CARMIL2: variants seen among roughly 807,000 people sequenced by gnomAD.
CARMIL2 encodes capping protein, Arp2/3 and myosin-I linker protein 2.
CARMIL2 carries 96 observed loss-of-function variants against 173.3 expected under a neutral mutation model. The ratio of observed to expected loss-of-function variants is 0.55; its 90% CI spans 0.47 to 0.66. CARMIL2 has a LOEUF of 0.66. Among genes scored for constraint, CARMIL2 ranks in the 30% least tolerant of loss-of-function variants. CARMIL2 has a pLI of 0.00. For synonymous variants in CARMIL2, 830 were observed against 817.1 expected, an observed-to-expected ratio of 1.02 and a Z score of -0.27; for missense variants, 1,771 against 1,906.7, an observed-to-expected ratio of 0.93 and a Z score of 1.33.
Position 67,648,666 on chromosome 16 carries a change from G to T in CARMIL2, c.1440-19G>T. The T allele has an allele frequency of 6.3e-7, 1 of 1,595,676 alleles. No homozygotes were observed. The highest frequency in any genetic ancestry group is 1.7e-5 in the Admixed American group (1 of 57,648). ...CCCCTGTCCCAGCTCCCGCCACCCC[G>T]TGTAACGTCCTCTCCCAGAGCCCTT... On this transcript the variant is annotated intron_variant, in intron 15 of 37. Transcript: ENST00000334583. The surrounding 1 kb of genome is among the most constrained non-coding windows in gnomAD (Gnocchi z 6.1).
Position 67,651,729 on chromosome 16 carries a change from A to C in CARMIL2, c.2472A>C (p.Pro824=). The change falls in exon 25 of 38, where the codon CCA becomes CCC. Residue 824 remains proline (P), a synonymous_variant. Transcript: ENST00000334583. The surrounding 1 kb of genome is among the most constrained non-coding windows in gnomAD (Gnocchi z 4.2). ...ATLDTARSLC[P]QMLQGSSWRE... The stretch of plus-strand genomic sequence containing the variant: ...TGGACACAGCAAGGAGCCTCTGCCC[A>C]CAGATGCTGCAGGGATCCAGCTGGA... 1.9e-6 allele frequency: 3 copies of C among 1,607,142 alleles called. No homozygotes were observed. Among genetic ancestry groups the C allele is most frequent in the Non-Finnish European group, 2.5e-6 (3 of 1,177,464 alleles).
Position 67,647,833 on chromosome 16 carries a change from G to A in CARMIL2, c.959-13G>A, listed in dbSNP as rs1399108734. 3.1e-6 allele frequency: 5 copies of A among 1,602,250 alleles called. No individual in the cohort carries two copies. Among genetic ancestry groups the A allele is most frequent in the Admixed American group, 1.7e-5 (1 of 59,046 alleles). The stretch of plus-strand genomic sequence containing the variant: ...GTCTGTCCAACTGCTGAGTGACCCC[G>A]ACCCACCACCAGGAATGAGGGCTCT... On this transcript the variant is annotated splice_polypyrimidine_tract_variant and intron_variant, in intron 12 of 37. Coordinates refer to ENST00000334583, the MANE Select transcript of CARMIL2 (RefSeq NM_001013838.3).
chr16:67,651,265 G>C lies in CARMIL2; in HGVS notation c.2263G>C (p.Ala755Pro). ...GCGAGPQGEA[A>P]VRQAEDAIQN... ...TGGGGCTGGGCCCCAGGGTGAAGCC[G>C]CTGTGCGCCAGGCCGAGGATGCCAT... Residue 755 changes from alanine to proline, a missense_variant, in exon 23 of 38, where the codon GCT becomes CCT. By Grantham distance (27) the Ala-to-Pro change is conservative. Transcript: ENST00000334583. The surrounding 1 kb of genome is among the most constrained non-coding windows in gnomAD (Gnocchi z 4.2). 1 of 1,613,532 alleles carries C rather than the reference G, an allele frequency of 6.2e-7. No homozygotes were observed. The highest frequency in any genetic ancestry group is 8.5e-7 in the Non-Finnish European group (1 of 1,179,864).
In CARMIL2 at chr16:67,657,221, CCTTT is replaced by C. The variant is rs1254759731; in HGVS notation, c.4118-15_4118-12del. 13 of 1,612,116 alleles carry C rather than the reference CCTTT, an allele frequency of 8.1e-6. No homozygotes were observed. Among genetic ancestry groups the C allele is most frequent in the African/African-American group, 1.3e-5 (1 of 74,864 alleles). ...CCAAGCCTTAGCAACCCACCCCAAGCCTTTCTGTGTCCCTTAGAACGGCCCCTGA... is the reference window on the plus strand; with the variant it reads ...CCAAGCCTTAGCAACCCACCCCAAGCCTGTGTCCCTTAGAACGGCCCCTGA... On this transcript the variant is annotated splice_polypyrimidine_tract_variant and intron_variant, in intron 36 of 37. Coordinates refer to ENST00000334583, the MANE Select transcript of CARMIL2 (RefSeq NM_001013838.3). This position sits in a 1 kb window ranked among gnomAD's most constrained non-coding sequence, Gnocchi z 4.5.
Position 67,648,201 on chromosome 16 carries a change from T to C in CARMIL2, c.1221T>C (p.Gly407=), listed in dbSNP as rs1597746979. ...ADWRAGRGGL[G]PPAGVANSLP... is the part of the protein sequence containing the mutation. ...GGAGGGCGGGACGGGGAGGGCTCGG[T>C]CCCCCCGCGGGTGTAGCCAACAGCC... Residue 407 remains glycine (G), a synonymous_variant, in exon 14 of 38, where the codon GGT becomes GGC. Transcript: ENST00000334583. This position sits in a 1 kb window ranked among gnomAD's most constrained non-coding sequence, Gnocchi z 6.1. 1 of 1,602,812 alleles carries C rather than the reference T, an allele frequency of 6.2e-7. No individual in the cohort carries two copies. Among genetic ancestry groups the C allele is most frequent in the Non-Finnish European group, 8.5e-7 (1 of 1,175,774 alleles).
chr16:67,648,366 C>A lies in CARMIL2; in HGVS notation c.1335-32C>A. ...GAGGCTGCTGGAAGCCGCCTCCTTG[C>A]GGCCCCAGGCCCACCTTCCCACTTC... On this transcript the variant is annotated intron_variant, in intron 14 of 37. Coordinates refer to ENST00000334583, the MANE Select transcript of CARMIL2 (RefSeq NM_001013838.3). This position sits in a 1 kb window ranked among gnomAD's most constrained non-coding sequence, Gnocchi z 6.1. 1.3e-6 allele frequency: 2 copies of A among 1,540,464 alleles called. No homozygotes were observed. Among genetic ancestry groups the A allele is most frequent in the Non-Finnish European group, 1.7e-6 (2 of 1,150,384 alleles).
chr16:67,654,710 G>A lies in CARMIL2; in HGVS notation c.3582+18G>A, dbSNP rs552249927. ...CCGACAAGGTGAGGCTTGCTGATGG[G>A]GGGTGGTGAAGGCGCTTCTGGGACC... On this transcript the variant is annotated intron_variant, in intron 31 of 37. Coordinates refer to ENST00000334583, the MANE Select transcript of CARMIL2 (RefSeq NM_001013838.3). 81 of 1,601,900 alleles carry A rather than the reference G, an allele frequency of 5.1e-5. 2 individuals carry two copies. In the South Asian group the frequency reaches 8.4e-4, roughly 17 times the overall value.
At position 67,646,911 on chromosome 16, in the gene CARMIL2, C is replaced by A. The variant is rs768187110; in HGVS notation, c.549C>A (p.Thr183=). The A allele has an allele frequency of 8.7e-6, 14 of 1,613,712 alleles. No individual in the cohort carries two copies. Among genetic ancestry groups the A allele is most frequent in the Non-Finnish European group, 1.2e-5 (14 of 1,179,886 alleles). ...FREEIQWDVD[T]IYHRQGCRHF... is the part of the protein sequence containing the mutation. ...TCCTTCTCACCCAGGACGTGGACACCATTTACCATCGCCAGGGCTGCCGCC... is the reference window on the plus strand; with the variant it reads ...TCCTTCTCACCCAGGACGTGGACACAATTTACCATCGCCAGGGCTGCCGCC... Residue 183 remains threonine (T), a synonymous_variant, in exon 8 of 38, where the codon ACC becomes ACA. Coordinates refer to ENST00000334583, the MANE Select transcript of CARMIL2 (RefSeq NM_001013838.3). The surrounding 1 kb of genome is among the most constrained non-coding windows in gnomAD (Gnocchi z 4.6).
Position 67,648,760 on chromosome 16 carries a change from C to T in CARMIL2, c.1509+6C>T. Reference sequence around the variant, plus strand: ...TGGACCTCAGCGCTTGCGAGGTGAGCGCCGGCCCCCAGAAGAGACCACACA... The same window carrying T: ...TGGACCTCAGCGCTTGCGAGGTGAGTGCCGGCCCCCAGAAGAGACCACACA... On this transcript the variant is annotated splice_donor_region_variant and intron_variant, in intron 16 of 37. Transcript: ENST00000334583. The surrounding 1 kb of genome is among the most constrained non-coding windows in gnomAD (Gnocchi z 6.1). 6.3e-7 allele frequency: 1 copy of T among 1,598,146 alleles called. No individual in the cohort carries two copies. Among genetic ancestry groups the T allele is most frequent in the Non-Finnish European group, 8.5e-7 (1 of 1,172,992 alleles).
Position 67,648,761 on chromosome 16 carries a change from G to C in CARMIL2, c.1509+7G>C, listed in dbSNP as rs374108577. ...GGACCTCAGCGCTTGCGAGGTGAGC[G>C]CCGGCCCCCAGAAGAGACCACACAT... On this transcript the variant is annotated splice_region_variant and intron_variant, in intron 16 of 37. Transcript: ENST00000334583. The surrounding 1 kb of genome is among the most constrained non-coding windows in gnomAD (Gnocchi z 6.1). The C allele has an allele frequency of 2.5e-6, 4 of 1,597,870 alleles. No homozygotes were observed. The highest frequency in any genetic ancestry group is 3.4e-6 in the Non-Finnish European group (4 of 1,173,006).
chr16:67,654,787 C>G lies in CARMIL2; in HGVS notation c.3592C>G (p.Leu1198Val), dbSNP rs780275941. ...GCATCTCTGTCCCTAGCGGCGGCCCCTGGAGCGGGGAGAAACAGAACTGGC... is the reference window on the plus strand; with the variant it reads ...GCATCTCTGTCCCTAGCGGCGGCCCGTGGAGCGGGGAGAAACAGAACTGGC... ...LGARPDKRRP[L>V]ERGETELAPS... The change falls in exon 32 of 38, where the codon CTG becomes GTG. Residue 1198 changes from leucine to valine, a missense_variant. By Grantham distance (32) the Leu-to-Val change is conservative. This residue lies in a region of CARMIL2 where 817 missense variants were observed against 903.5 expected (regional missense o/e 0.90). Transcript: ENST00000334583. The G allele has an allele frequency of 5.0e-6, 8 of 1,613,372 alleles. No homozygotes were observed. The highest frequency in any genetic ancestry group is 6.8e-6 in the Non-Finnish European group (8 of 1,179,888).
chr16:67,652,043 C>T lies in CARMIL2; in HGVS notation c.2676+35C>T. 6.2e-7 allele frequency: 1 copy of T among 1,608,364 alleles called. No homozygotes were observed. Among genetic ancestry groups the T allele is most frequent in the Middle Eastern group, 1.7e-4 (1 of 6,054 alleles). ...AGATGTGCACACACTTTCGTGCAAACACACACATGCAGTGACTTGGCCATC... is the reference window on the plus strand; with the variant it reads ...AGATGTGCACACACTTTCGTGCAAATACACACATGCAGTGACTTGGCCATC... On this transcript the variant is annotated intron_variant, in intron 26 of 37. Transcript: ENST00000334583. The surrounding 1 kb of genome is among the most constrained non-coding windows in gnomAD (Gnocchi z 4.7).
chr16:67,647,490 C>T lies in CARMIL2; in HGVS notation c.777-18C>T, dbSNP rs375889123. 256 of 1,587,872 alleles carry T rather than the reference C, an allele frequency of 1.6e-4. No homozygotes were observed. Among genetic ancestry groups the T allele is most frequent in the Middle Eastern group, 8.3e-4 (5 of 6,046 alleles). ...GCAAACCAGGGGCAGAATCTCATGC[C>T]TGGGGTCTGGTCCCCAGAGACTTTG... On this transcript the variant is annotated intron_variant, in intron 10 of 37. Coordinates refer to ENST00000334583, the MANE Select transcript of CARMIL2 (RefSeq NM_001013838.3).
rs1370299151 is a variant in CARMIL2, at chr16:67,649,061, C to T, written c.1592-15C>T. On this transcript the variant is annotated splice_polypyrimidine_tract_variant and intron_variant, in intron 17 of 37. Transcript: ENST00000334583. The surrounding 1 kb of genome is among the most constrained non-coding windows in gnomAD (Gnocchi z 6.7). ...CTTGCAACTTCGCCTCGTGCGTGAC[C>T]CGAGTCACCCCCAGGCTTCGGCTCA... is the stretch of plus-strand genomic sequence containing the variant. The T allele has an allele frequency of 6.2e-7, 1 of 1,610,484 alleles. No individual in the cohort carries two copies. The highest frequency in any genetic ancestry group is 2.2e-5 in the East Asian group (1 of 44,756).
intron 30 of CARMIL2, 33 bp downstream of exon 30, chr16:67,654,282 G>A: frequency 6.3e-7 from 1 of 1,575,260 alleles, no homozygotes; most frequent in Non-Finnish European, 8.6e-7. Flanking sequence ...GGGTGGGAGA[G>A]GGTGGGATGC....
At chr16:67,645,943 A>C (rs1386974725) in intron 3 of CARMIL2, 75 bp from the exon 4 acceptor site, 6 of 1,595,006 alleles carry the variant, frequency 3.8e-6, no homozygotes, top group Non-Finnish European at 4.3e-6. Context: ...GCTCTGCCCC[A>C]GGCTGCCCAA....
chr16:67,657,261 C>T lies in CARMIL2; in HGVS notation c.4140C>T (p.Arg1380=), dbSNP rs1362114005. 2.5e-6 allele frequency: 4 copies of T among 1,613,826 alleles called. No homozygotes were observed. Among genetic ancestry groups the T allele is most frequent in the Admixed American group, 1.7e-5 (1 of 60,004 alleles). The change falls in exon 37 of 38, where the codon CGC becomes CGT. Residue 1380 remains arginine, a synonymous_variant. Coordinates refer to ENST00000334583, the MANE Select transcript of CARMIL2 (RefSeq NM_001013838.3). This position sits in a 1 kb window ranked among gnomAD's most constrained non-coding sequence, Gnocchi z 4.5. ...APAERPLRLQ[R]SPVLKRRPKL... ...TAGAACGGCCCCTGAGGCTGCAGCG[C>T]TCCCCCGTCCTCAAACGCAGGCCAA...
Position 67,654,175 on chromosome 16 carries a change from G to A in CARMIL2, c.3147G>A (p.Gly1049=), listed in dbSNP as rs372932371. The part of the protein sequence containing the change: ...PQVPPALPQE[G]NGLSARVDEG... ...TACCCCCAGCCTTGCCGCAGGAAGG[G>A]AATGGGCTCAGTGCCCGCGTGGACG... is the stretch of plus-strand genomic sequence containing the variant. The change falls in exon 30 of 38, where the codon GGG becomes GGA. Residue 1049 remains glycine (G), a synonymous_variant. Coordinates refer to ENST00000334583, the MANE Select transcript of CARMIL2 (RefSeq NM_001013838.3). The A allele has an allele frequency of 3.1e-5, 49 of 1,565,572 alleles. No individual in the cohort carries two copies. Among genetic ancestry groups the A allele is most frequent in the Admixed American group, 3.8e-5 (2 of 53,076 alleles).
Position 67,653,328 on chromosome 16 carries a change from G to A in CARMIL2, c.3120+74G>A. On this transcript the variant is annotated intron_variant, in intron 29 of 37. Coordinates refer to ENST00000334583, the MANE Select transcript of CARMIL2 (RefSeq NM_001013838.3). This position sits in a 1 kb window ranked among gnomAD's most constrained non-coding sequence, Gnocchi z 7.4. ...GTGGCCCGGCCGCTCCTCATGGGTG[G>A]TAGCGGTCAAGGAGAGGGGGTGGTG... 1 of 762,920 alleles carries A rather than the reference G, an allele frequency of 1.3e-6. No individual in the cohort carries two copies. The highest frequency in any genetic ancestry group is 6.1e-5 in the East Asian group (1 of 16,376). The allele number at this position is 762,920 out of a possible 1,614,324, so 47.3% of individuals were successfully genotyped here.
Sources: allele counts gnomAD v4.1 joint callset, GRCh38; gene constraint gnomAD v4.1.1; regional missense constraint gnomAD v4.1.1; non-coding constraint Gnocchi (gnomAD v3.1); transcripts MANE v1.5; gene names NCBI Gene and HGNC (gene_info 2026-07-23, HGNC 2026-07-21).